SLC4A4: variants seen among roughly 807,000 people sequenced by gnomAD.
SLC4A4 encodes solute carrier family 4 member 4.
A neutral mutation model predicts 111.5 loss-of-function variants in SLC4A4; 27 were observed. That is an observed-to-expected ratio of 0.24 (90% CI 0.18 to 0.33). The LOEUF is 0.33. Ranked by LOEUF, SLC4A4 falls within the 10% of genes least tolerant of loss-of-function variation. The pLI, the probability that SLC4A4 is intolerant of heterozygous loss-of-function variation, is 1.00. For synonymous variants in SLC4A4, 443 were observed against 463.4 expected (o/e 0.96, Z 0.57); for missense variants, 909 against 1,315.5 (o/e 0.69, Z 4.78).
At chr4:71,419,603 C>G (rs1318663494) in intron 7 of SLC4A4, among the ~76,000 whole-genome samples, 1 of 152,234 alleles carries the variant, frequency 6.6e-6, no homozygotes, top group African/African-American at 2.4e-5. Context: ...TCTGTCACTC[C>G]TTTCTTTGAC....
intron 3 of SLC4A4, among the ~76,000 whole-genome samples, chr4:71,321,669 C>A (rs907945556): frequency 6.6e-6 from 1 of 151,848 alleles, no homozygotes; most frequent in Non-Finnish European, 1.5e-5. Context: ...CATCACAAAG[C>A]AGAGGGGCAA....
At chr4:71,323,667 A>G (rs1727289951) in intron 3 of SLC4A4, among the ~76,000 whole-genome samples, 1 of 152,008 alleles carries the variant, frequency 6.6e-6, no homozygotes, top group Admixed American at 6.6e-5. Flanking sequence ...GGCATGTGAT[A>G]TGTGTCAAAA....
intron 2 of SLC4A4, among the ~76,000 whole-genome samples, chr4:71,096,715 A>G (rs1442896076): frequency 6.6e-6 from 1 of 152,124 alleles, no homozygotes; most frequent in Non-Finnish European, 1.5e-5. Context: ...TCTAAGTTTG[A>G]TATTTTGTTC....
intron 3 of SLC4A4, among the ~76,000 whole-genome samples, chr4:71,277,688 CTCTG>C (rs1723187180): frequency 6.6e-6 from 1 of 150,532 alleles, no homozygotes; most frequent in East Asian, 2.0e-4. Context: ...TTTTCTCTCG[CTCTG>C]TCTTTTTCTG....
chr4:71,196,089 A>G lies in SLC4A4; in HGVS notation c.-2+8688A>G, dbSNP rs563273938. Among the ~76,000 whole-genome samples the G allele has an allele frequency of 2.0e-5, 3 of 152,344 alleles. No individual in the cohort carries two copies. The East Asian group carries it at 5.8e-4, about 29-fold the overall frequency. On this transcript the variant is annotated intron_variant, in intron 1 of 25. Transcript: ENST00000264485. Reference sequence around the variant, plus strand: ...CACTCCTGAAACTCTCTCCTTGAGTACTGTGTGACCACAGCTGCAGTGAGA... The same window carrying G: ...CACTCCTGAAACTCTCTCCTTGAGTGCTGTGTGACCACAGCTGCAGTGAGA...
At chr4:71,486,377 C>T (rs542687231) in intron 14 of SLC4A4, among the ~76,000 whole-genome samples, 51 of 151,362 alleles carry the variant, frequency 3.4e-4, no homozygotes, top group African/African-American at 8.4e-4. Flanking sequence ...CTATAAATGA[C>T]GCCACATTAT....
In SLC4A4 at chr4:71,527,067, G is replaced by T. The variant is rs912421399; in HGVS notation, c.2167-4995G>T. Among the ~76,000 whole-genome samples, 4 of 152,172 alleles carry T rather than the reference G, an allele frequency of 2.6e-5. No homozygotes were observed. The East Asian group carries it at 7.7e-4, about 29-fold the overall frequency. ...TGCAACCTTAATTTGCCCTAGCCAT[G>T]TAACATTACATATTCACAGGTTGTG... On this transcript the variant is annotated intron_variant, in intron 16 of 25. Coordinates refer to ENST00000264485, the MANE Select transcript of SLC4A4 (RefSeq NM_001098484.3).
At chr4:71,092,733 C>A (rs574998428) in exon 2 of SLC4A4, among the ~76,000 whole-genome samples, 1 of 152,116 alleles carries the variant, frequency 6.6e-6, no homozygotes, top group Non-Finnish European at 1.5e-5. Context: ...TTTACAGATA[C>A]CCATAATTGT....
Position 71,114,598 on chromosome 4 carries a change from C to T in SLC4A4, c.-2+21806C>T, listed in dbSNP as rs559964911. ...ACACATGAAAAAATGCTCACCATCA[C>T]TGGCCATCAGAGAAATGCAAATCAA... On this transcript the variant is annotated intron_variant, in intron 2 of 26. Coordinates refer to the SLC4A4 transcript ENST00000649996. Among the ~76,000 whole-genome samples, 128 of 150,962 alleles carry T rather than the reference C, an allele frequency of 8.5e-4. 1 individual carries two copies. Among genetic ancestry groups the T allele is most frequent in the African/African-American group, 3.0e-3 (121 of 40,546 alleles).
Position 71,274,183 on chromosome 4 carries a change from G to A in SLC4A4, c.253+18784G>A, listed in dbSNP as rs563335858. ...TAAAATGTTATTAAAATGTCATTAA[G>A]AGAATCGTAATGAAGAAAGAATATA... On this transcript the variant is annotated intron_variant, in intron 3 of 25. Coordinates refer to ENST00000264485, the MANE Select transcript of SLC4A4 (RefSeq NM_001098484.3). Among the ~76,000 whole-genome samples the A allele has an allele frequency of 3.3e-5, 5 of 152,276 alleles. No homozygotes were observed. The East Asian group carries it at 9.6e-4, about 29-fold the overall frequency.
intron 6 of SLC4A4, among the ~76,000 whole-genome samples, chr4:71,387,619 C>T (rs571004055): frequency 5.9e-5 from 9 of 152,152 alleles, no homozygotes; most frequent in South Asian, 4.2e-4. Flanking sequence ...CTCAGCCTCC[C>T]GAGTAGCTGG....
chr4:71,118,215 T>G (rs185291523), intron 2 of SLC4A4, among the ~76,000 whole-genome samples: 20 of 152,336 alleles, frequency 1.3e-4, no homozygotes, highest in Admixed American at 1.2e-3. Context: ...TCTTATTGCT[T>G]TTTTACCTTA....
chr4:71,349,423 C>G (rs1729615095), intron 4 of SLC4A4, among the ~76,000 whole-genome samples: 2 of 152,142 alleles, frequency 1.3e-5, no homozygotes, highest in African/African-American at 2.4e-5. Context: ...TTCATCTTGC[C>G]ACTTCACGCA....
chr4:71,198,937 G>T (rs1746130047), intron 1 of SLC4A4, among the ~76,000 whole-genome samples: 1 of 152,206 alleles, frequency 6.6e-6, no homozygotes, highest in South Asian at 2.1e-4. Flanking sequence ...ACTCTAACAG[G>T]AGAAGGTCCA....
intron 2 of SLC4A4, among the ~76,000 whole-genome samples, chr4:71,177,217 C>A (rs1331315935): frequency 1.3e-5 from 2 of 152,120 alleles, no homozygotes; most frequent in African/African-American, 2.4e-5. Context: ...CCAGCCACTG[C>A]AAAAACATGC....
intron 8 of SLC4A4, among the ~76,000 whole-genome samples, chr4:71,441,531 G>A (rs1335452122): frequency 6.6e-6 from 1 of 152,024 alleles, no homozygotes; most frequent in African/African-American, 2.4e-5. Flanking sequence ...GGGGGTGGGG[G>A]AGTTGTTTTC....
At chr4:71,314,921 T>C (rs954344335) in intron 3 of SLC4A4, among the ~76,000 whole-genome samples, 3 of 151,960 alleles carry the variant, frequency 2.0e-5, no homozygotes, top group Non-Finnish European at 4.4e-5. Flanking sequence ...ATCCCAGAAC[T>C]TAAAGTAAAA....
chr4:71,531,640 A>G (rs997601869), intron 16 of SLC4A4, among the ~76,000 whole-genome samples: 3 of 151,882 alleles, frequency 2.0e-5, no homozygotes, highest in African/African-American at 7.3e-5. Context: ...TGTTGTGCAG[A>G]TTTTTATAAT....
At chr4:71,184,855 A>G (rs997561771), upstream of SLC4A4, among the ~76,000 whole-genome samples, 2 of 152,204 alleles carry the variant, frequency 1.3e-5, no homozygotes, top group Non-Finnish European at 2.9e-5. Flanking sequence ...ACACTAATCA[A>G]TAGGAAAGGA....
Sources: gnomAD v4.1 joint callset for allele counts (sites outside exome capture counted in the v4.1 genomes callset) on GRCh38, gnomAD v4.1.1 for gene constraint, MANE v1.5 for transcripts, NCBI Gene and HGNC (gene_info 2026-07-23, HGNC 2026-07-21) for gene names.